The following DISC1 variants were observed in gnomAD, a reference collection of about 807,000 sequenced individuals.
DISC1 encodes DISC1 scaffold protein.
Under a neutral mutation model 84.5 loss-of-function variants are expected in DISC1, and 57 were observed. The ratio of observed to expected loss-of-function variants is 0.67; its 90% confidence interval spans 0.55 to 0.84. DISC1 has a LOEUF of 0.84. Among genes scored for constraint, DISC1 ranks in the 40% least tolerant of loss-of-function variants. The pLI, the probability that DISC1 is intolerant of heterozygous loss-of-function variation, is 0.00. For missense variants in DISC1, 1,000 were observed against 1,057.8 expected (o/e 0.95, Z 0.76); for synonymous variants, 411 against 415.2 (o/e 0.99, Z 0.12).
chr1:231,847,269 C>T (rs904701649), intron 9 of DISC1, among the ~76,000 whole-genome samples: 5 of 151,992 alleles, frequency 3.3e-5, no homozygotes, highest in African/African-American at 1.2e-4. Context: ...ATAGGGATGC[C>T]GATCAGACTG....
intron 10 of DISC1, among the ~76,000 whole-genome samples, chr1:231,999,998 TA>T (rs1439645505): frequency 2.6e-5 from 4 of 152,044 alleles, no homozygotes; most frequent in Non-Finnish European, 5.9e-5. Flanking sequence ...CCTCATAAAA[TA>T]AAAAAATTAA....
chr1:231,744,586 C>A, intron 3 of DISC1, among the ~76,000 whole-genome samples: 1 of 151,478 alleles, frequency 6.6e-6, no homozygotes. Flanking sequence ...CCATAAGAAA[C>A]AAAGGTGGAA....
At chr1:231,938,295 G>A (rs764018750) in intron 9 of DISC1, among the ~76,000 whole-genome samples, 3 of 152,180 alleles carry the variant, frequency 2.0e-5, no homozygotes, top group African/African-American at 7.2e-5. Context: ...ACAAGTGGAA[G>A]ACTTTCTCAG....
At chr1:231,687,691 T>C (rs2064464622) in intron 1 of DISC1, among the ~76,000 whole-genome samples, 2 of 152,298 alleles carry the variant, frequency 1.3e-5, no homozygotes, top group East Asian at 1.9e-4. Flanking sequence ...GGACTTCCAA[T>C]TTTAGGCCAA....
intron 9 of DISC1, among the ~76,000 whole-genome samples, chr1:231,844,341 A>T (rs1476165547): frequency 6.6e-6 from 1 of 152,208 alleles, no homozygotes; most frequent in Non-Finnish European, 1.5e-5. Flanking sequence ...GATACAACTC[A>T]GGAACAGCCA....
intron 9 of DISC1, among the ~76,000 whole-genome samples, chr1:231,865,210 C>T (rs891620322): frequency 6.6e-6 from 1 of 152,208 alleles, no homozygotes; most frequent in Non-Finnish European, 1.5e-5. Context: ...AACATGCTGA[C>T]CTGGGAGTCT....
chr1:231,921,481 C>T (rs1354954577), intron 9 of DISC1, among the ~76,000 whole-genome samples: 1 of 152,140 alleles, frequency 6.6e-6, no homozygotes, highest in Non-Finnish European at 1.5e-5. Context: ...CTTATTACAG[C>T]ACTTACAGAG....
At chr1:231,724,622 A>G (rs1198607980) in intron 3 of DISC1, among the ~76,000 whole-genome samples, 1 of 152,156 alleles carries the variant, frequency 6.6e-6, no homozygotes, top group Non-Finnish European at 1.5e-5. Context: ...TCATCTGTGT[A>G]TAGACACAGA....
intron 6 of DISC1, among the ~76,000 whole-genome samples, chr1:231,772,409 G>A (rs1573686657): frequency 6.6e-6 from 1 of 152,290 alleles, no homozygotes; most frequent in Non-Finnish European, 1.5e-5. Context: ...TGGGAGCAAT[G>A]GTCGGCTTGG....
intron 1 of DISC1, among the ~76,000 whole-genome samples, chr1:231,643,877 A>G (rs1213761993): frequency 1.3e-5 from 2 of 152,178 alleles, no homozygotes; most frequent in Non-Finnish European, 2.9e-5. Flanking sequence ...CCTGGTGCTG[A>G]GGATGGCGAG....
chr1:231,778,301 A>G (rs1261834124), intron 6 of DISC1, among the ~76,000 whole-genome samples: 1 of 152,252 alleles, frequency 6.6e-6, no homozygotes, highest in Non-Finnish European at 1.5e-5. Flanking sequence ...TGTCTGTGAA[A>G]AGAGGGTTTG....
At chr1:231,837,371 A>G (rs1028370537) in intron 9 of DISC1, among the ~76,000 whole-genome samples, 1 of 152,202 alleles carries the variant, frequency 6.6e-6, no homozygotes, top group Non-Finnish European at 1.5e-5. Context: ...CCCAAAGTGT[A>G]GCTGTTTACA....
At chr1:231,874,397 G>A (rs558748352) in intron 9 of DISC1, among the ~76,000 whole-genome samples, 18 of 151,596 alleles carry the variant, frequency 1.2e-4, no homozygotes, top group African/African-American at 4.3e-4. Context: ...TTGACCTCCT[G>A]ATCTGCCCAC....
At chr1:231,864,940 T>C (rs2084945671) in intron 9 of DISC1, among the ~76,000 whole-genome samples, 1 of 152,180 alleles carries the variant, frequency 6.6e-6, no homozygotes. Context: ...TACAATTAAA[T>C]CTCCTTTGAA....
At chr1:231,726,521 A>G (rs994776764) in intron 3 of DISC1, among the ~76,000 whole-genome samples, 1 of 152,176 alleles carries the variant, frequency 6.6e-6, no homozygotes, top group Non-Finnish European at 1.5e-5. Flanking sequence ...AATTCAGTCT[A>G]TCTCCCTGGA....
At chr1:231,727,090 G>C (rs193194657) in intron 3 of DISC1, among the ~76,000 whole-genome samples, 2 of 152,044 alleles carry the variant, frequency 1.3e-5, no homozygotes, top group Non-Finnish European at 2.9e-5. Context: ...GCCTGCTCCT[G>C]CTTGTCTTCA....
chr1:231,924,713 G>A (rs1046785926), intron 9 of DISC1, among the ~76,000 whole-genome samples: 5 of 150,744 alleles, frequency 3.3e-5, no homozygotes, highest in Admixed American at 2.0e-4. Flanking sequence ...CTGGAGTGCA[G>A]TGGCATGATC....
chr1:231,645,418 C>T (rs1315701469), intron 1 of DISC1, among the ~76,000 whole-genome samples: 1 of 152,126 alleles, frequency 6.6e-6, no homozygotes, highest in Non-Finnish European at 1.5e-5. Context: ...TCCTCGCCTC[C>T]CAAATGATAA....
chr1:231,729,165 A>G (rs1421690463), intron 3 of DISC1, among the ~76,000 whole-genome samples: 6 of 152,252 alleles, frequency 3.9e-5, no homozygotes, highest in African/African-American at 1.4e-4. Context: ...TACAAAGGAC[A>G]CAAACTCAAC....
Sources: gnomAD v4.1 joint callset for allele counts (sites outside exome capture counted in the v4.1 genomes callset) on GRCh38, gnomAD v4.1.1 for gene constraint, MANE v1.5 for transcripts, NCBI Gene and HGNC (gene_info 2026-07-23, HGNC 2026-07-21) for gene names.